ZFPM2: variants seen among roughly 807,000 people sequenced by gnomAD.
ZFPM2 encodes the protein zinc finger protein, FOG family member 2.
Under a neutral mutation model 98.6 loss-of-function variants are expected in ZFPM2, and 20 were observed. The observed-to-expected ratio is 0.20, with a 90% confidence interval of 0.14 to 0.29. The LOEUF is 0.29. Ranked by LOEUF, ZFPM2 falls within the 10% of genes least tolerant of loss-of-function variation. The pLI is 1.00. For synonymous variants in ZFPM2, 518 were observed against 502.7 expected (o/e 1.03, Z -0.41); for missense variants, 1,310 against 1,388.6 (o/e 0.94, Z 0.90).
chr8:105,661,681 T>C, intron 5 of ZFPM2, among the ~76,000 whole-genome samples: 1 of 152,024 alleles, frequency 6.6e-6, no homozygotes, highest in East Asian at 1.9e-4. Context: ...TGGGGCTCTG[T>C]GATTTTTTTT....
chr8:105,351,656 A>T (rs1812648951), intron 1 of ZFPM2, among the ~76,000 whole-genome samples: 1 of 152,184 alleles, frequency 6.6e-6, no homozygotes, highest in South Asian at 2.1e-4. Context: ...CCTTTTAATG[A>T]CTAAATTTGG....
intron 3 of ZFPM2, among the ~76,000 whole-genome samples, chr8:105,454,051 C>T (rs1812538510): frequency 6.6e-6 from 1 of 151,990 alleles, no homozygotes; most frequent in Non-Finnish European, 1.5e-5. Context: ...TTTCAAACTT[C>T]CCTACTTATC....
chr8:105,522,361 A>C (rs1814081991), intron 3 of ZFPM2, among the ~76,000 whole-genome samples: 1 of 152,250 alleles, frequency 6.6e-6, no homozygotes, highest in South Asian at 2.1e-4. Context: ...TCACCATGTA[A>C]TTAAATGCTA....
chr8:105,615,698 G>A (rs1199572056), intron 4 of ZFPM2, among the ~76,000 whole-genome samples: 2 of 152,098 alleles, frequency 1.3e-5, no homozygotes, highest in Non-Finnish European at 2.9e-5. Flanking sequence ...TAGAGTACAT[G>A]AAAACTTAGA....
chr8:105,438,148 G>T (rs1352443997), intron 2 of ZFPM2, among the ~76,000 whole-genome samples: 1 of 152,142 alleles, frequency 6.6e-6, no homozygotes, highest in East Asian at 1.9e-4. Flanking sequence ...CAAATTTTCA[G>T]ATATTTATTG....
intron 5 of ZFPM2, among the ~76,000 whole-genome samples, chr8:105,694,316 C>A (rs1810966750): frequency 6.6e-6 from 1 of 151,992 alleles, no homozygotes; most frequent in Non-Finnish European, 1.5e-5. Flanking sequence ...TCATTATTTG[C>A]TTCATTGACT....
intron 5 of ZFPM2, chr8:105,784,909 C>T (rs1813366993): frequency 6.8e-6 from 1 of 145,992 alleles, no homozygotes; most frequent in African/African-American, 2.8e-5. Context: ...TCTAAGTTCA[C>T]CATCTAAAAA....
chr8:105,623,991 C>T (rs1816605311), intron 4 of ZFPM2, among the ~76,000 whole-genome samples: 1 of 152,152 alleles, frequency 6.6e-6, no homozygotes, highest in South Asian at 2.1e-4. Context: ...ATATTTTCTT[C>T]TCCATACTCA....
intron 4 of ZFPM2, among the ~76,000 whole-genome samples, chr8:105,633,577 C>T (rs1198329238): frequency 6.6e-6 from 1 of 152,140 alleles, no homozygotes; most frequent in East Asian, 1.9e-4. Flanking sequence ...TAGCACTTGT[C>T]TCCGTGCTTC....
chr8:105,701,182 T>G (rs1811133161), intron 5 of ZFPM2, among the ~76,000 whole-genome samples: 1 of 152,212 alleles, frequency 6.6e-6, no homozygotes, highest in Non-Finnish European at 1.5e-5. Flanking sequence ...ATAGTTAATA[T>G]TTGAAATATA....
At chr8:105,653,711 A>G (rs1322118446) in intron 5 of ZFPM2, among the ~76,000 whole-genome samples, 1 of 152,182 alleles carries the variant, frequency 6.6e-6, no homozygotes, top group Non-Finnish European at 1.5e-5. Flanking sequence ...TAATGGTGTA[A>G]TGACTCTCTG....
intron 3 of ZFPM2, among the ~76,000 whole-genome samples, chr8:105,450,583 A>G (rs942610477): frequency 7.2e-5 from 11 of 152,076 alleles, no homozygotes; most frequent in Admixed American, 3.3e-4. Context: ...TTGCATTTCA[A>G]TCTTTGGAAG....
At chr8:105,570,676 C>A (rs1442455800) in intron 4 of ZFPM2, among the ~76,000 whole-genome samples, 1 of 152,186 alleles carries the variant, frequency 6.6e-6, no homozygotes, top group African/African-American at 2.4e-5. Flanking sequence ...TAACCTCAAT[C>A]TCATCCTGAC....
intron 2 of ZFPM2, among the ~76,000 whole-genome samples, chr8:105,430,416 AGTTT>A (rs1811996976): frequency 1.3e-5 from 2 of 152,160 alleles, no homozygotes; most frequent in African/African-American, 2.4e-5. Flanking sequence ...TCACAAAAAG[AGTTT>A]GTGTTTATAT....
intron 1 of ZFPM2, among the ~76,000 whole-genome samples, chr8:105,346,315 C>T (rs760757220): frequency 7.0e-4 from 105 of 150,942 alleles, no homozygotes; most frequent in Non-Finnish European, 9.3e-4. Flanking sequence ...ACCCGGGAGG[C>T]GGAGGTTGCA....
At chr8:105,547,925 G>A (rs1019442965) in intron 3 of ZFPM2, among the ~76,000 whole-genome samples, 1 of 151,796 alleles carries the variant, frequency 6.6e-6, no homozygotes, top group Non-Finnish European at 1.5e-5. Flanking sequence ...TTTTGGCTAT[G>A]TAAGTATTCT....
rs149601189 is a variant in ZFPM2, at chr8:105,548,105, C to A, written c.302-13258C>A. On this transcript the variant is annotated intron_variant, in intron 3 of 7. Coordinates refer to ENST00000407775, the MANE Select transcript of ZFPM2 (RefSeq NM_012082.4). ...CATCACACCATTAGTTCTGAATGTG[C>A]TCATTCAGAACTTCACCAAGTAGAT... Among the ~76,000 whole-genome samples the A allele has an allele frequency of 6.4e-3, 975 of 151,876 alleles. 13 individuals are homozygous for A. Among genetic ancestry groups the A allele is most frequent in the African/African-American group, 0.022 (922 of 41,416 alleles).
At chr8:105,670,553 T>C (rs1282590499) in intron 5 of ZFPM2, among the ~76,000 whole-genome samples, 1 of 150,000 alleles carries the variant, frequency 6.7e-6, no homozygotes, top group East Asian at 2.0e-4. Flanking sequence ...TGTGTATGTC[T>C]GTGTATGCGC....
chr8:105,444,188 A>G (rs1812320698), intron 2 of ZFPM2, 92 bp from the exon 3 acceptor site: 3 of 934,010 alleles, frequency 3.2e-6, no homozygotes, highest in Non-Finnish European at 5.1e-6. Context: ...CTGTAATTAG[A>G]TATATGATAA....
Sources: gnomAD v4.1 joint callset for allele counts (sites outside exome capture counted in the v4.1 genomes callset) on GRCh38, gnomAD v4.1.1 for gene constraint, MANE v1.5 for transcripts, NCBI Gene and HGNC (gene_info 2026-07-23, HGNC 2026-07-21) for gene names.